Variants in PDE11A observed in about 807,000 individuals in gnomAD.
The protein encoded by PDE11A is dual 3',5'-cyclic-AMP and -GMP phosphodiesterase 11A.
PDE11A carries 100 observed loss-of-function variants against 100.5 expected under a neutral mutation model. The ratio of observed to expected loss-of-function variants is 1.00; its 90% CI spans 0.85 to 1.18. PDE11A has a LOEUF of 1.18. PDE11A is among the 50% of genes most tolerant of loss of function. PDE11A has a pLI of 0.00. For missense variants in PDE11A, 1,141 were observed against 1,152.6 expected (o/e 0.99, Z 0.15); for synonymous variants, 381 against 420.8 (o/e 0.91, Z 1.16).
At chr2:177,665,965 T>A (rs949426967) in intron 18 of PDE11A, among the ~76,000 whole-genome samples, 14 of 152,308 alleles carry the variant, frequency 9.2e-5, no homozygotes, top group South Asian at 6.2e-4. Flanking sequence ...GTTACTTTTT[T>A]AAAAAATGCA....
intron 2 of PDE11A, among the ~76,000 whole-genome samples, chr2:178,081,355 C>A (rs2105878803): frequency 6.6e-6 from 1 of 151,684 alleles, no homozygotes; most frequent in Non-Finnish European, 1.5e-5. Context: ...AAGAAATAGA[C>A]CAATTTAAAT....
intron 11 of PDE11A, 96 bp downstream of exon 11, chr2:177,727,930 A>G: frequency 8.6e-7 from 1 of 1,164,436 alleles, no homozygotes; most frequent in South Asian, 1.2e-5. Flanking sequence ...GGCAGGGATT[A>G]TCATCCCCAT....
intron 2 of PDE11A, among the ~76,000 whole-genome samples, chr2:178,082,910 G>A (rs1461670588): frequency 1.3e-5 from 2 of 152,036 alleles, no homozygotes; most frequent in Non-Finnish European, 2.9e-5. Flanking sequence ...AGTGTAACAA[G>A]CCATATCTGA....
At chr2:177,724,549 T>C (rs979492094) in intron 12 of PDE11A, among the ~76,000 whole-genome samples, 1 of 152,076 alleles carries the variant, frequency 6.6e-6, no homozygotes, top group Non-Finnish European at 1.5e-5. Flanking sequence ...ATTTCCCCAT[T>C]CCCAGAGACA....
intron 5 of PDE11A, among the ~76,000 whole-genome samples, chr2:177,869,727 A>G (rs143639534): frequency 8.0e-4 from 122 of 152,290 alleles, no homozygotes; most frequent in African/African-American, 2.8e-3. Context: ...TTAGTTTGAT[A>G]TTGTTCAAAA....
At chr2:177,817,138 T>A (rs1208521841) in intron 8 of PDE11A, among the ~76,000 whole-genome samples, 1 of 152,212 alleles carries the variant, frequency 6.6e-6, no homozygotes, top group African/African-American at 2.4e-5. Context: ...ATGAATTTAA[T>A]GTCATTGTAG....
At chr2:178,006,624 T>C (rs2086214984) in intron 2 of PDE11A, among the ~76,000 whole-genome samples, 1 of 152,182 alleles carries the variant, frequency 6.6e-6, no homozygotes, top group Non-Finnish European at 1.5e-5. Flanking sequence ...TAAATCTTGG[T>C]TGTTGTTGTT....
chr2:178,108,329 G>A (rs550507030), exon 1 of PDE11A: 6 of 152,344 alleles, frequency 3.9e-5, no homozygotes, highest in Non-Finnish European at 8.8e-5. Flanking sequence ...TCACGCCCTG[G>A]GCTGCAAGCG....
intron 12 of PDE11A, among the ~76,000 whole-genome samples, chr2:177,716,226 A>G (rs986419655): frequency 6.6e-6 from 1 of 152,164 alleles, no homozygotes; most frequent in Non-Finnish European, 1.5e-5. Context: ...AGGCAGGGGG[A>G]AAAGTAGCCC....
At chr2:178,024,885 C>A (rs1358255079) in intron 1 of PDE11A, among the ~76,000 whole-genome samples, 3 of 152,140 alleles carry the variant, frequency 2.0e-5, no homozygotes, top group Non-Finnish European at 4.4e-5. Context: ...GCAAAGCTTT[C>A]GAAAATTGAT....
chr2:177,706,144 C>G (rs2081275934), intron 13 of PDE11A, among the ~76,000 whole-genome samples: 1 of 152,116 alleles, frequency 6.6e-6, no homozygotes, highest in Non-Finnish European at 1.5e-5. Flanking sequence ...GTCAGAAAGG[C>G]TAAGAGAATA....
intron 9 of PDE11A, among the ~76,000 whole-genome samples, chr2:177,773,534 T>G (rs59173154): frequency 5.5e-4 from 84 of 152,348 alleles, no homozygotes; most frequent in African/African-American, 1.9e-3. Context: ...TAAAGCTTTT[T>G]TGGATTGTAT....
intron 2 of PDE11A, among the ~76,000 whole-genome samples, chr2:177,966,450 T>C (rs1574312966): frequency 6.6e-6 from 1 of 152,340 alleles, no homozygotes; most frequent in East Asian, 1.9e-4. Context: ...TTCCAGTTTT[T>C]GCCCATTTAG....
rs74956981 is a variant in PDE11A at position 177,732,008 on chromosome 2, C to T, written c.1789-3836G>A. The stretch of plus-strand genomic sequence containing the variant: ...AAGAAAATGAGTGTAGTTAATCTAT[C>T]ATCTTTATCCAAAAATAAATGAAGT... On this transcript the variant is annotated intron_variant, in intron 10 of 19. Transcript: ENST00000286063. Among the ~76,000 whole-genome samples, 264 of 152,276 alleles carry T rather than the reference C, an allele frequency of 1.7e-3. 1 individual carries two copies. The highest frequency in any genetic ancestry group is 6.2e-3 in the African/African-American group (257 of 41,546).
intron 10 of PDE11A, among the ~76,000 whole-genome samples, chr2:177,751,490 C>T (rs2082026454): frequency 6.6e-6 from 1 of 152,204 alleles, no homozygotes; most frequent in Admixed American, 6.5e-5. Context: ...GCTGGCAGGT[C>T]CTGGAAGCCC....
At chr2:177,958,596 G>A (rs1431503499) in intron 2 of PDE11A, among the ~76,000 whole-genome samples, 3 of 152,150 alleles carry the variant, frequency 2.0e-5, no homozygotes, top group Non-Finnish European at 2.9e-5. Context: ...TTTGGTTTCT[G>A]CACTATGAAG....
intron 10 of PDE11A, among the ~76,000 whole-genome samples, chr2:177,767,629 T>C (rs1270286807): frequency 6.6e-6 from 1 of 152,064 alleles, no homozygotes; most frequent in East Asian, 1.9e-4. Flanking sequence ...ATGTATAAAA[T>C]TTACATACAT....
chr2:177,960,978 C>T (rs150115252), intron 2 of PDE11A, among the ~76,000 whole-genome samples: 39 of 152,294 alleles, frequency 2.6e-4, no homozygotes, highest in African/African-American at 8.7e-4. Flanking sequence ...TCAGTAATTA[C>T]AGTATTGAGA....
intron 10 of PDE11A, among the ~76,000 whole-genome samples, chr2:177,729,905 T>C (rs954586956): frequency 1.3e-5 from 2 of 151,992 alleles, no homozygotes; most frequent in African/African-American, 2.4e-5. Context: ...GTAGTTACCA[T>C]GAGGCTTAGC....
Sources: gnomAD v4.1 joint callset for allele counts (sites outside exome capture counted in the v4.1 genomes callset) on GRCh38, gnomAD v4.1.1 for gene constraint, MANE v1.5 for transcripts, NCBI Gene and HGNC (gene_info 2026-07-23, HGNC 2026-07-21) for gene names.